Variants in EXOSC2 observed in about 807,000 individuals in gnomAD.
EXOSC2 encodes exosome component 2.
Under a neutral mutation model 37.6 loss-of-function variants are expected in EXOSC2, and 29 were observed. The observed-to-expected ratio is 0.77, with a 90% CI of 0.57 to 1.05. The LOEUF is 1.05. Among genes scored for constraint, EXOSC2 ranks in the 50% least tolerant of loss-of-function variants. EXOSC2 has a pLI of 0.00. For synonymous variants in EXOSC2, 119 were observed against 131.1 expected (o/e 0.91, Z 0.63); for missense variants, 346 against 365.6 (o/e 0.95, Z 0.44).
At chr9:130,702,402 A>C (rs921779937) in intron 7 of EXOSC2, 92 bp downstream of exon 7, 4 of 1,068,992 alleles carry the variant, frequency 3.7e-6, no homozygotes, top group Non-Finnish European at 5.5e-6. Flanking sequence ...GTTTTTAGCT[A>C]TGTTACTGGT....
chr9:130,700,021 T>G (rs955547888), intron 5 of EXOSC2, among the ~76,000 whole-genome samples: 1 of 152,038 alleles, frequency 6.6e-6, no homozygotes, highest in African/African-American at 2.4e-5. Context: ...TTATGTTATT[T>G]TTTAAATTTT....
In EXOSC2 at chr9:130,703,092, C is replaced by T. The variant is rs561877923; in HGVS notation, c.712C>T (p.Arg238Trp). The T allele has an allele frequency of 8.1e-6, 13 of 1,613,902 alleles. No individual in the cohort carries two copies. The highest frequency in any genetic ancestry group is 4.4e-5 in the South Asian group (4 of 91,056). The change falls in exon 8 of 9, where the codon CGG (arginine) becomes TGG (tryptophan). Residue 238 changes from arginine to tryptophan, a missense_variant. Transcript: ENST00000372358. ...TGATCGAGAGGTGATATCCCGGCTT[C>T]GGAACTGCATCATCTCGCTGGTAAC... is the stretch of plus-strand genomic sequence containing the variant. ...LADREVISRL[R>W]NCIISLVTQR... is the part of the protein sequence containing the mutation.
At position 130,703,960 on chromosome 9, in the gene EXOSC2, A is replaced by G. The variant is rs976921840; in HGVS notation, c.*186A>G. 1.3e-5 allele frequency: 6 copies of G among 472,916 alleles called. No individual in the cohort carries two copies. Among genetic ancestry groups the G allele is most frequent in the Admixed American group, 3.9e-5 (1 of 25,416 alleles). 29.3% of individuals were successfully genotyped at this position (472,916 alleles called of 1,614,324 possible). A position where few individuals can be genotyped will look rare whatever the true frequency, so the allele number is the denominator to read the frequency against. On this transcript the variant is annotated 3_prime_UTR_variant, in exon 9 of 9. Transcript: ENST00000372358. ...TAACACCAAGCCTGGGTGGCAGATG[A>G]ACAGTGCTTCCTTGGGTTGCCAGCT... is the stretch of plus-strand genomic sequence containing the variant.
chr9:130,702,260 A>C lies in EXOSC2; in HGVS notation c.622A>C (p.Thr208Pro), dbSNP rs1237737062. ...CAACGGCTTCATCTGGATTTACCCAACACCTGAGCACAAAGAAGAGGAAGC... is the reference window on the plus strand; with the variant it reads ...CAACGGCTTCATCTGGATTTACCCACCACCTGAGCACAAAGAAGAGGAAGC... ...GNNGFIWIYP[T>P]PEHKEEEAGG... Residue 208 changes from threonine (T) to proline (P), a missense_variant, in exon 7 of 9, where the codon ACA becomes CCA. Physicochemically the swap from Thr to Pro is conservative, Grantham distance 38. Transcript: ENST00000372358. 6.2e-7 allele frequency: 1 copy of C among 1,614,150 alleles called. No homozygotes were observed.
intron 2 of EXOSC2, 25 bp downstream of exon 2, chr9:130,695,618 C>T (rs1214226384): frequency 2.5e-6 from 4 of 1,603,284 alleles, no homozygotes; most frequent in Non-Finnish European, 3.4e-6. Flanking sequence ...TGTGTATTCC[C>T]TTTCTTGCAG....
intron 5 of EXOSC2, 49 bp from the exon 6 acceptor site, chr9:130,700,818 G>C (rs766835948): frequency 7.0e-5 from 111 of 1,581,612 alleles, no homozygotes; most frequent in Non-Finnish European, 4.2e-5. Context: ...CAGAGGACAG[G>C]ACAGTGTGTG....
At position 130,695,473 on chromosome 9, in the gene EXOSC2, T is replaced by C; in HGVS notation, c.123-19T>C. 6.2e-7 allele frequency: 1 copy of C among 1,601,560 alleles called. No individual in the cohort carries two copies. Among genetic ancestry groups the C allele is most frequent in the Non-Finnish European group, 8.6e-7 (1 of 1,168,556 alleles). On this transcript the variant is annotated intron_variant, in intron 1 of 8. Transcript: ENST00000372358. Reference sequence around the variant, plus strand: ...GAGTTACCCTCGTATCCTTTCTTTGTATCTTCGCCTTGCATCAGGGGCCAT... The same window carrying C: ...GAGTTACCCTCGTATCCTTTCTTTGCATCTTCGCCTTGCATCAGGGGCCAT...
At chr9:130,693,938 A>G in intron 1 of EXOSC2, 25 bp downstream of exon 1, 2 of 1,577,882 alleles carry the variant, frequency 1.3e-6, no homozygotes, top group African/African-American at 1.3e-5. Flanking sequence ...GGGGGAGTCG[A>G]GGCTTCAGAG....
chr9:130,702,469 T>TTC (rs10624550), intron 7 of EXOSC2, among the ~76,000 whole-genome samples, 159 bp downstream of exon 7: 53,904 of 152,000 alleles, frequency 0.35, 13,034 homozygotes, highest in African/African-American at 0.67. Context: ...CCATATTATC[T>TTC]TCTCTTCTAA....
intron 2 of EXOSC2, 50 bp downstream of exon 2, chr9:130,695,643 A>T: frequency 6.4e-7 from 1 of 1,559,706 alleles, no homozygotes; most frequent in African/African-American, 1.4e-5. Flanking sequence ...AGGTTGTACA[A>T]CCAGGCTTTT....
intron 2 of EXOSC2, among the ~76,000 whole-genome samples, chr9:130,696,903 C>T (rs1831108777): frequency 6.6e-6 from 1 of 152,072 alleles, no homozygotes; most frequent in Admixed American, 6.6e-5. Context: ...TCTCGGTTTG[C>T]TATGGAGGAC....
In EXOSC2 at chr9:130,694,472, G is replaced by A. The variant is rs1380395054; in HGVS notation, c.122+559G>A. On this transcript the variant is annotated intron_variant, in intron 1 of 8. Transcript: ENST00000372358. The surrounding 1 kb of genome is among the most constrained non-coding windows in gnomAD (Gnocchi z 4.0). ...CTGCTACCATCACATCTTATTAGCG[G>A]CATTGCCTCTCCACGGTCAGTTTCC... 2.0e-5 allele frequency among the ~76,000 whole-genome samples: 3 copies of A among 152,232 alleles called. No individual in the cohort carries two copies. The East Asian group carries it at 5.8e-4, about 29-fold the overall frequency.
rs1391435916 is a variant in EXOSC2, at chr9:130,698,073, C to T, written c.271-89C>T. On this transcript the variant is annotated intron_variant, in intron 3 of 8. Transcript: ENST00000372358. The surrounding 1 kb of genome is among the most constrained non-coding windows in gnomAD (Gnocchi z 4.1). ...CCTCCCAAAGTGCTGGGATTACAGG[C>T]GTGAGCCACCACATCTGGCCTTACT... 1.9e-5 allele frequency: 24 copies of T among 1,254,666 alleles called. No individual in the cohort carries two copies. The highest frequency in any genetic ancestry group is 4.7e-5 in the East Asian group (2 of 42,908). 77.7% of individuals were successfully genotyped at this position (1,254,666 alleles called of 1,614,324 possible). A position where few individuals can be genotyped will look rare whatever the true frequency, so the allele number is the denominator to read the frequency against.
Position 130,700,943 on chromosome 9 carries a change from G to C in EXOSC2, c.495+8G>C, listed in dbSNP as rs377549336. 1.9e-6 allele frequency: 3 copies of C among 1,613,674 alleles called. No homozygotes were observed. Among genetic ancestry groups the C allele is most frequent in the East Asian group, 4.5e-5 (2 of 44,880 alleles). ...AGCCTGAAATATGGAAAAGTAAGTC[G>C]GGCTCTTGATGTTCCTGTTTGCTGA... On this transcript the variant is annotated splice_region_variant and intron_variant, in intron 6 of 8. Transcript: ENST00000372358.
chr9:130,699,662 G>T lies in EXOSC2; in HGVS notation c.426+268G>T, dbSNP rs1300950583. ...TTTAGACTAGGCTTTTGTTAATGGT[G>T]TTAACTTTTAGCGCAGGGAGTGGAG... On this transcript the variant is annotated intron_variant, in intron 5 of 8. Transcript: ENST00000372358. 1.7e-5 allele frequency: 8 copies of T among 461,372 alleles called. 1 individual carries two copies. Among genetic ancestry groups the T allele is most frequent in the Middle Eastern group, 6.0e-4 (1 of 1,668 alleles). 28.6% of individuals were successfully genotyped at this position (461,372 alleles called of 1,614,324 possible).
At chr9:130,693,991 CCT>C in intron 1 of EXOSC2, 78 bp downstream of exon 1, 1 of 1,487,750 alleles carries the variant, frequency 6.7e-7, no homozygotes, top group East Asian at 2.4e-5. Context: ...GCCTCGTATC[CCT>C]GTGTGTGTAA....
Position 130,698,053 on chromosome 9 carries a change from C to T in EXOSC2, c.271-109C>T. On this transcript the variant is annotated intron_variant, in intron 3 of 8. Coordinates refer to ENST00000372358, the MANE Select transcript of EXOSC2 (RefSeq NM_014285.7). The surrounding 1 kb of genome is among the most constrained non-coding windows in gnomAD (Gnocchi z 4.1). Reference sequence around the variant, plus strand: ...AAGTGATCCACCAGCTTCGGCCTCCCAAAGTGCTGGGATTACAGGCGTGAG... The same window carrying T: ...AAGTGATCCACCAGCTTCGGCCTCCTAAAGTGCTGGGATTACAGGCGTGAG... 1 of 1,035,004 alleles carries T rather than the reference C, an allele frequency of 9.7e-7. No individual in the cohort carries two copies. The highest frequency in any genetic ancestry group is 1.8e-5 in the Admixed American group (1 of 54,634). The allele number at this position is 1,035,004 out of a possible 1,614,324, so 64.1% of individuals were successfully genotyped here.
chr9:130,697,669 G>T (rs367803499), intron 3 of EXOSC2, 42 bp downstream of exon 3: 10 of 1,594,842 alleles, frequency 6.3e-6, no homozygotes, highest in Non-Finnish European at 6.9e-6. Flanking sequence ...GTCGAGGCAG[G>T]CTGGCGATTT....
intron 6 of EXOSC2, 74 bp from the exon 7 acceptor site, chr9:130,702,060 G>A (rs1421401024): frequency 2.0e-6 from 3 of 1,537,940 alleles, no homozygotes; most frequent in Non-Finnish European, 2.6e-6. Context: ...TACTTAGGAT[G>A]TATATTCTGT....
Sources: gnomAD v4.1 joint callset for allele counts (sites outside exome capture counted in the v4.1 genomes callset) on GRCh38, gnomAD v4.1.1 for gene constraint, Gnocchi (gnomAD v3.1) non-coding constraint, MANE v1.5 for transcripts, NCBI Gene and HGNC (gene_info 2026-07-23, HGNC 2026-07-21) for gene names.